CATSPERE: variants seen among roughly 807,000 people sequenced by gnomAD.
CATSPERE encodes the protein cation channel sperm-associated auxiliary subunit epsilon.
A neutral mutation model predicts 114.1 loss-of-function variants in CATSPERE; 93 were observed. The ratio of observed to expected loss-of-function variants is 0.81; its 90% CI spans 0.69 to 0.97. CATSPERE has a LOEUF of 0.97. Ranked by LOEUF, CATSPERE falls within the 50% of genes least tolerant of loss-of-function variation. CATSPERE has a pLI of 0.00. For missense variants in CATSPERE, 1,058 were observed against 1,131.6 expected (o/e 0.93, Z 0.93); for synonymous variants, 341 against 384.1 (o/e 0.89, Z 1.31).
At chr1:244,532,547 C>T (rs147928780) in intron 8 of CATSPERE, among the ~76,000 whole-genome samples, 30 of 152,190 alleles carry the variant, frequency 2.0e-4, no homozygotes, top group African/African-American at 7.0e-4. Context: ...TCAAATCCTT[C>T]TTTCATCCGT....
chr1:244,621,503 C>A (rs1156270965), intron 20 of CATSPERE, among the ~76,000 whole-genome samples: 2 of 151,130 alleles, frequency 1.3e-5, no homozygotes, highest in African/African-American at 4.9e-5. Flanking sequence ...AATGTATATA[C>A]CCTCTGGAGG....
At chr1:244,553,824 C>T (rs1661167067) in intron 9 of CATSPERE, among the ~76,000 whole-genome samples, 1 of 152,004 alleles carries the variant, frequency 6.6e-6, no homozygotes. Flanking sequence ...ATACTCCCTC[C>T]CACGCACCCC....
intron 8 of CATSPERE, among the ~76,000 whole-genome samples, chr1:244,535,936 T>C (rs766680719): frequency 6.6e-6 from 1 of 151,928 alleles, no homozygotes; most frequent in Admixed American, 6.6e-5. Flanking sequence ...GTGTACTGCT[T>C]AGCTACCTCT....
intron 8 of CATSPERE, among the ~76,000 whole-genome samples, chr1:244,520,431 AAGTC>A (rs1180937757): frequency 6.6e-6 from 1 of 152,180 alleles, no homozygotes; most frequent in Non-Finnish European, 1.5e-5. Flanking sequence ...CTTTTGTTGA[AAGTC>A]AGTTAAGAGT....
At chr1:244,595,436 G>T (rs1668262739) in intron 17 of CATSPERE, among the ~76,000 whole-genome samples, 1 of 152,126 alleles carries the variant, frequency 6.6e-6, no homozygotes, top group South Asian at 2.1e-4. Flanking sequence ...GAAGTGGGGA[G>T]AGTAATGTTG....
chr1:244,455,690 C>T (rs1666085478), intron 1 of CATSPERE, among the ~76,000 whole-genome samples: 1 of 151,900 alleles, frequency 6.6e-6, no homozygotes, highest in African/African-American at 2.4e-5. Context: ...TTATTTTCCT[C>T]CACTTTTTTG....
chr1:244,605,678 T>G lies in CATSPERE; in HGVS notation c.2304-17T>G. 6.5e-7 allele frequency: 1 copy of G among 1,542,536 alleles called. No homozygotes were observed. Among genetic ancestry groups the G allele is most frequent in the Non-Finnish European group, 9.0e-7 (1 of 1,116,296 alleles). On this transcript the variant is annotated splice_polypyrimidine_tract_variant and intron_variant, in intron 17 of 21. Coordinates refer to ENST00000366534, the MANE Select transcript of CATSPERE (RefSeq NM_001130957.2). Reference sequence around the variant, plus strand: ...TTTATATTAAACTAGTATCTTTCTGTTTGTTGTTTCTTTCAGATTTGATGA... The same window carrying G: ...TTTATATTAAACTAGTATCTTTCTGGTTGTTGTTTCTTTCAGATTTGATGA...
At chr1:244,533,437 C>G (rs980789776) in intron 8 of CATSPERE, among the ~76,000 whole-genome samples, 1 of 151,704 alleles carries the variant, frequency 6.6e-6, no homozygotes, top group African/African-American at 2.4e-5. Context: ...TCTCTTCCTT[C>G]TTTTCTTCCT....
At chr1:244,558,138 C>CTTTT (rs34664118) in intron 9 of CATSPERE, among the ~76,000 whole-genome samples, 8 of 109,476 alleles carry the variant, frequency 7.3e-5, no homozygotes, top group Non-Finnish European at 1.0e-4. Context: ...CTCTCTCTCT[C>CTTTT]TTTTTTTTTT....
intron 7 of CATSPERE, among the ~76,000 whole-genome samples, chr1:244,516,415 A>G (rs977947426): frequency 2.0e-5 from 3 of 151,968 alleles, no homozygotes; most frequent in Admixed American, 6.6e-5. Context: ...TAGTGTGATT[A>G]TAGCTCACTG....
chr1:244,552,219 A>G (rs1012970454), intron 8 of CATSPERE, 103 bp from the exon 9 acceptor site: 3 of 1,396,116 alleles, frequency 2.1e-6, no homozygotes, highest in Admixed American at 5.0e-5. Flanking sequence ...CCAGATTTGT[A>G]TTGATAAAAA....
At chr1:244,551,202 C>G (rs1241000839) in intron 8 of CATSPERE, among the ~76,000 whole-genome samples, 5 of 152,134 alleles carry the variant, frequency 3.3e-5, no homozygotes, top group African/African-American at 1.2e-4. Context: ...GTTTATACAT[C>G]CTTTCACAGG....
intron 7 of CATSPERE, among the ~76,000 whole-genome samples, chr1:244,502,391 G>T (rs1166729031): frequency 6.6e-6 from 1 of 151,748 alleles, no homozygotes; most frequent in Non-Finnish European, 1.5e-5. Context: ...TTTTGTTTCT[G>T]TTTTTTATCT....
intron 20 of CATSPERE, among the ~76,000 whole-genome samples, chr1:244,625,737 C>A (rs566113079): frequency 1.2e-4 from 18 of 150,438 alleles, no homozygotes; most frequent in Admixed American, 4.6e-4. Context: ...TATTTTTATT[C>A]TTTTATTTAT....
chr1:244,477,826 T>C, intron 3 of CATSPERE, 80 bp from the exon 4 acceptor site: 1 of 1,221,350 alleles, frequency 8.2e-7, no homozygotes, highest in East Asian at 2.4e-5. Context: ...TTGAAATTTT[T>C]AGGCTTAAAA....
At chr1:244,623,756 T>C (rs1330237246) in intron 20 of CATSPERE, among the ~76,000 whole-genome samples, 1 of 152,242 alleles carries the variant, frequency 6.6e-6, no homozygotes, top group Non-Finnish European at 1.5e-5. Flanking sequence ...CACTATACTG[T>C]AGTCTATTAA....
chr1:244,527,700 T>C (rs1243800012), intron 8 of CATSPERE, among the ~76,000 whole-genome samples: 2 of 152,224 alleles, frequency 1.3e-5, no homozygotes, highest in Admixed American at 6.5e-5. Flanking sequence ...TGTTCAGAGA[T>C]TGCAGTAAAG....
At chr1:244,635,386 A>G in intron 20 of CATSPERE, 103 bp from the exon 21 acceptor site, 1 of 791,728 alleles carries the variant, frequency 1.3e-6, no homozygotes, top group South Asian at 1.7e-5. Flanking sequence ...TGACACCTTA[A>G]CTAGGATTAT....
chr1:244,616,286 T>C (rs1384846642), intron 19 of CATSPERE, among the ~76,000 whole-genome samples: 2 of 152,196 alleles, frequency 1.3e-5, no homozygotes, highest in East Asian at 3.8e-4. Context: ...AGAGTTGCCA[T>C]GAGGAAGTCT....
Sources: allele counts gnomAD v4.1 joint callset (sites outside exome capture counted in the v4.1 genomes callset), GRCh38; gene constraint gnomAD v4.1.1; transcripts MANE v1.5; gene names NCBI Gene and HGNC (gene_info 2026-07-23, HGNC 2026-07-21).